Variants in IMMP2L observed in about 807,000 individuals in gnomAD.
IMMP2L encodes mitochondrial inner membrane protease subunit 2.
A neutral mutation model predicts 19.3 loss-of-function variants in IMMP2L; 18 were observed. The observed-to-expected ratio is 0.93, with a 90% CI of 0.64 to 1.38. The LOEUF is 1.38. Among genes scored for constraint, IMMP2L ranks in the 40% most tolerant of loss-of-function variants. The pLI, the probability that IMMP2L is intolerant of heterozygous loss-of-function variation, is 0.00. For synonymous variants in IMMP2L, 76 were observed against 73.0 expected (o/e 1.04, Z -0.21); for missense variants, 233 against 218.2 (o/e 1.07, Z -0.43).
intron 3 of IMMP2L, among the ~76,000 whole-genome samples, chr7:111,295,223 T>C (rs1457892220): frequency 6.6e-6 from 1 of 151,938 alleles, no homozygotes; most frequent in Non-Finnish European, 1.5e-5. Flanking sequence ...CATAACTATA[T>C]TAGAAAACTG....
Position 110,956,008 on chromosome 7 carries a change from T to C in IMMP2L, c.305+7492A>G, listed in dbSNP as rs192805195. Among the ~76,000 whole-genome samples, 75 of 152,120 alleles carry C rather than the reference T, an allele frequency of 4.9e-4. 1 individual carries two copies. Among genetic ancestry groups the C allele is most frequent in the African/African-American group, 1.7e-3 (72 of 41,540 alleles). On this transcript the variant is annotated intron_variant, in intron 4 of 5. Coordinates refer to ENST00000405709, the MANE Select transcript of IMMP2L (RefSeq NM_032549.4). The stretch of plus-strand genomic sequence containing the variant: ...CTCAATTTAGTTCTGTTTTTCTTCC[T>C]ATAAAGATTCATCGTTTGCTGGAAC...
intron 3 of IMMP2L, among the ~76,000 whole-genome samples, chr7:111,020,008 T>C (rs1393623836): frequency 6.6e-6 from 1 of 151,850 alleles, no homozygotes; most frequent in Non-Finnish European, 1.5e-5. Context: ...TTGTATAGTA[T>C]ATTCACTTAC....
rs1365345684 is a variant in IMMP2L at position 110,976,995 on chromosome 7, T to C, written c.240-13430A>G. Among the ~76,000 whole-genome samples, 2 of 151,998 alleles carry C rather than the reference T, an allele frequency of 1.3e-5. 1 individual carries two copies. Among genetic ancestry groups the C allele is most frequent in the Non-Finnish European group, 2.9e-5 (2 of 67,916 alleles). ...CAACTAGTATGAAGCATCATAACTCTAATAAGAAAGAGTAAGACATCCCAT... is the reference window on the plus strand; with the variant it reads ...CAACTAGTATGAAGCATCATAACTCCAATAAGAAAGAGTAAGACATCCCAT... On this transcript the variant is annotated intron_variant, in intron 3 of 5. Transcript: ENST00000405709.
chr7:111,472,079 A>T (rs1449509840), intron 3 of IMMP2L, among the ~76,000 whole-genome samples: 1 of 152,140 alleles, frequency 6.6e-6, no homozygotes, highest in Non-Finnish European at 1.5e-5. Context: ...TCTTAAAATC[A>T]TAATCTCCAT....
At chr7:110,848,308 C>T (rs190266148) in intron 5 of IMMP2L, among the ~76,000 whole-genome samples, 13 of 152,190 alleles carry the variant, frequency 8.5e-5, no homozygotes, top group East Asian at 7.7e-4. Context: ...TATGTAAAGA[C>T]GTCCAACATA....
chr7:111,197,232 G>A (rs768765972), intron 3 of IMMP2L, among the ~76,000 whole-genome samples: 17 of 152,146 alleles, frequency 1.1e-4, no homozygotes, highest in Non-Finnish European at 2.4e-4. Context: ...GAAGGCCAAG[G>A]TGGGCGGATC....
chr7:111,064,542 G>A (rs1250162606), intron 3 of IMMP2L, among the ~76,000 whole-genome samples: 1 of 152,122 alleles, frequency 6.6e-6, no homozygotes, highest in African/African-American at 2.4e-5. Flanking sequence ...ATCAAAGGGT[G>A]GAAGTAGAAG....
intron 3 of IMMP2L, among the ~76,000 whole-genome samples, chr7:111,139,861 A>T (rs559220854): frequency 6.6e-6 from 1 of 152,304 alleles, no homozygotes; most frequent in African/African-American, 2.4e-5. Context: ...AGGAAAAACT[A>T]GGATAATTCT....
chr7:111,005,778 G>A (rs566563602), intron 3 of IMMP2L, among the ~76,000 whole-genome samples: 2 of 152,248 alleles, frequency 1.3e-5, no homozygotes, highest in East Asian at 1.9e-4. Context: ...AAGAATGCAA[G>A]TTTATTCTTT....
At chr7:111,441,445 G>A (rs1023600912) in intron 3 of IMMP2L, among the ~76,000 whole-genome samples, 3 of 151,802 alleles carry the variant, frequency 2.0e-5, no homozygotes, top group African/African-American at 4.9e-5. Context: ...TGGAGGAACT[G>A]CAGGTCGGTG....
intron 3 of IMMP2L, among the ~76,000 whole-genome samples, chr7:111,207,534 G>GTTTTTTTTTTTTTTTTTTT (rs376864629): frequency 3.3e-5 from 3 of 90,098 alleles, no homozygotes; most frequent in Non-Finnish European, 6.1e-5. Flanking sequence ...TTTATTTTTG[G>GTTTTTTTTTTTTTTTTTTT]TTTTTTTTTT....
At chr7:110,905,125 T>C (rs1480457944) in intron 4 of IMMP2L, among the ~76,000 whole-genome samples, 8 of 152,192 alleles carry the variant, frequency 5.3e-5, no homozygotes, top group Non-Finnish European at 1.2e-4. Context: ...CTATTACTGA[T>C]GGGACTTCTC....
intron 3 of IMMP2L, among the ~76,000 whole-genome samples, chr7:111,018,591 A>C (rs1414976704): frequency 6.6e-6 from 1 of 152,098 alleles, no homozygotes; most frequent in Non-Finnish European, 1.5e-5. Flanking sequence ...ATTTTGCATA[A>C]ACTCATTTAA....
intron 3 of IMMP2L, among the ~76,000 whole-genome samples, chr7:111,412,307 T>G (rs1033998237): frequency 6.6e-6 from 1 of 151,724 alleles, no homozygotes; most frequent in African/African-American, 2.4e-5. Flanking sequence ...CATCAACAAG[T>G]TGACCTATTT....
chr7:111,199,615 T>TA (rs1305780452), intron 3 of IMMP2L, among the ~76,000 whole-genome samples: 3 of 152,308 alleles, frequency 2.0e-5, no homozygotes, highest in African/African-American at 7.2e-5. Flanking sequence ...GTTAGTCTGA[T>TA]ATAACAAACC....
At chr7:111,121,788 T>C (rs1005361867) in intron 3 of IMMP2L, among the ~76,000 whole-genome samples, 45 of 152,180 alleles carry the variant, frequency 3.0e-4, no homozygotes, top group Admixed American at 2.6e-3. Flanking sequence ...CGTATGTTTA[T>C]TGCAGCAGTA....
At chr7:110,861,759 AATATC>A (rs1563033442) in intron 5 of IMMP2L, among the ~76,000 whole-genome samples, 1 of 151,988 alleles carries the variant, frequency 6.6e-6, no homozygotes, top group Non-Finnish European at 1.5e-5. Context: ...AAAGAACTGA[AATATC>A]CATTTCTCAT....
At chr7:110,913,055 G>C (rs549422890) in intron 4 of IMMP2L, among the ~76,000 whole-genome samples, 3 of 152,220 alleles carry the variant, frequency 2.0e-5, no homozygotes, top group Middle Eastern at 6.8e-3. Flanking sequence ...ATAAACTTTG[G>C]AGGTTGTAGT....
chr7:111,291,122 T>G (rs552505244), intron 3 of IMMP2L, among the ~76,000 whole-genome samples: 49 of 152,132 alleles, frequency 3.2e-4, no homozygotes, highest in Non-Finnish European at 1.2e-4. Context: ...GCCAGCTGCT[T>G]AAGAAATGGA....
Sources: gnomAD v4.1 joint callset for allele counts (sites outside exome capture counted in the v4.1 genomes callset) on GRCh38, gnomAD v4.1.1 for gene constraint, MANE v1.5 for transcripts, NCBI Gene and HGNC (gene_info 2026-07-23, HGNC 2026-07-21) for gene names.